The following ZNF787 variants were observed in gnomAD, a reference collection of about 807,000 sequenced individuals.
ZNF787 encodes zinc finger protein 787, also known as TTF-I-interacting peptide 20.
ZNF787 carries 7 observed loss-of-function variants against 16.9 expected under a neutral mutation model. The ratio of observed to expected loss-of-function variants is 0.42; its 90% CI spans 0.24 to 0.78. The LOEUF is 0.78. Ranked by LOEUF, ZNF787 falls within the 30% of genes least tolerant of loss-of-function variation. The pLI, the probability that ZNF787 is intolerant of heterozygous loss-of-function variation, is 0.30. For synonymous variants in ZNF787, 345 were observed against 270.9 expected (o/e 1.27, Z -2.69); for missense variants, 551 against 589.3 (o/e 0.94, Z 0.67).
At chr19:56,108,760 G>A (rs73615742) in intron 1 of ZNF787, among the ~76,000 whole-genome samples, 2,433 of 152,264 alleles carry the variant, frequency 0.016, 66 homozygotes, top group African/African-American at 0.056. Context: ...GTCTCAGGAA[G>A]AGGTGAGACC....
intron 1 of ZNF787, 64 bp from the exon 2 acceptor site, chr19:56,103,291 T>G: frequency 1.4e-6 from 2 of 1,415,350 alleles, no homozygotes; most frequent in Non-Finnish European, 1.9e-6. Flanking sequence ...CCGAGGGCCC[T>G]GCAGGGAGGC....
intron 2 of ZNF787, among the ~76,000 whole-genome samples, chr19:56,098,201 A>C (rs1229453298): frequency 1.3e-5 from 2 of 152,116 alleles, no homozygotes; most frequent in Non-Finnish European, 2.9e-5. Context: ...CCCTGGGGAC[A>C]CCTCTGAACA....
intron 1 of ZNF787, among the ~76,000 whole-genome samples, chr19:56,105,831 T>C (rs1986281200): frequency 6.6e-6 from 1 of 152,020 alleles, no homozygotes; most frequent in Non-Finnish European, 1.5e-5. Context: ...CACAATCAAC[T>C]TTACAACAAC....
At chr19:56,105,882 C>CTCCGGCCGCGCCCACGGCAGTCACCG (rs1568531068) in intron 1 of ZNF787, among the ~76,000 whole-genome samples, 1 of 151,734 alleles carries the variant, frequency 6.6e-6, no homozygotes, top group Non-Finnish European at 1.5e-5. Context: ...CCGCGCATTC[C>CTCCGGCCGCGCCCACGGCAGTCACCG]CCCGGCCGCG....
At chr19:56,099,656 A>T (rs986042678) in intron 2 of ZNF787, among the ~76,000 whole-genome samples, 1 of 148,500 alleles carries the variant, frequency 6.7e-6, no homozygotes, top group African/African-American at 2.5e-5. Flanking sequence ...AGTTGCAGTG[A>T]GCCGAGATCG....
intron 1 of ZNF787, among the ~76,000 whole-genome samples, chr19:56,113,538 T>C (rs1302762213): frequency 3.3e-5 from 5 of 152,030 alleles, no homozygotes; most frequent in Admixed American, 6.5e-5. Flanking sequence ...TAACCAGGTG[T>C]GAAGTTCAGC....
At chr19:56,119,225 T>G (rs902306978) in intron 1 of ZNF787, among the ~76,000 whole-genome samples, 1 of 152,230 alleles carries the variant, frequency 6.6e-6, no homozygotes, top group African/African-American at 2.4e-5. Context: ...GACAGTGCTG[T>G]GCCAAGACCA....
In ZNF787 at chr19:56,103,051, A is replaced by AG. The variant is rs1412981048; in HGVS notation, c.79+87dup. On this transcript the variant is annotated intron_variant, in intron 2 of 2. Transcript: ENST00000610935. ...GGGCCCCAAGAGGGGAAAACAGGGA[A>AG]GGGGGGTTTCCTCCCACCCAGAGGC... is the stretch of plus-strand genomic sequence containing the variant. 4.1e-6 allele frequency: 6 copies of AG among 1,452,682 alleles called. No individual in the cohort carries two copies. In the East Asian group the frequency reaches 6.8e-5, roughly 16 times the overall value. The allele number at this position is 1,452,682 out of a possible 1,614,324, so 90.0% of individuals were successfully genotyped here.
chr19:56,097,571 G>A (rs1985918581), intron 2 of ZNF787, among the ~76,000 whole-genome samples: 1 of 152,268 alleles, frequency 6.6e-6, no homozygotes, highest in Non-Finnish European at 1.5e-5. Context: ...ATGGAGGCAG[G>A]AGGAGGAAAC....
At chr19:56,113,606 C>T (rs1257445625) in intron 1 of ZNF787, among the ~76,000 whole-genome samples, 1 of 152,114 alleles carries the variant, frequency 6.6e-6, no homozygotes, top group Non-Finnish European at 1.5e-5. Flanking sequence ...CGATGCAGAA[C>T]AGCACGATTC....
At position 56,087,910 on chromosome 19, in the gene ZNF787, G is replaced by A. The variant is rs894667946; in HGVS notation, c.*113C>T. The A allele has an allele frequency of 3.1e-6, 4 of 1,274,138 alleles. No homozygotes were observed. The highest frequency in any genetic ancestry group is 3.6e-5 in the East Asian group (1 of 28,054). 78.9% of individuals were successfully genotyped at this position (1,274,138 alleles called of 1,614,324 possible). A position where few individuals can be genotyped will look rare whatever the true frequency, so the allele number is the denominator to read the frequency against. On this transcript the variant is annotated 3_prime_UTR_variant, in exon 3 of 3. Coordinates refer to ENST00000610935, the MANE Select transcript of ZNF787 (RefSeq NM_001002836.4). ...CAGAGGAGGGCGGGGAGCCGGGGAT[G>A]CCGCGGGGTCCATCGCACCCCGTCC...
chr19:56,100,911 C>T (rs1433479815), intron 2 of ZNF787, among the ~76,000 whole-genome samples: 1 of 144,494 alleles, frequency 6.9e-6, no homozygotes, highest in African/African-American at 2.6e-5. Context: ...GCCAGGCCAA[C>T]CCCCACCACT....
chr19:56,087,951 T>G lies in ZNF787; in HGVS notation c.*72A>C. 1 of 1,294,614 alleles carries G rather than the reference T, an allele frequency of 7.7e-7. No homozygotes were observed. The highest frequency in any genetic ancestry group is 2.0e-5 in the South Asian group (1 of 48,976). The allele number at this position is 1,294,614 out of a possible 1,614,324, so 80.2% of individuals were successfully genotyped here. A position where few individuals can be genotyped will look rare whatever the true frequency, so the allele number is the denominator to read the frequency against. ...CACCCCGTCCGCTTCTCCCTGGGTC[T>G]CTTGGTCTTGCACGTCGTCGCTCCC... On this transcript the variant is annotated 3_prime_UTR_variant, in exon 3 of 3. Transcript: ENST00000610935.
chr19:56,115,334 G>A (rs914392122), intron 1 of ZNF787, among the ~76,000 whole-genome samples: 14 of 151,242 alleles, frequency 9.3e-5, no homozygotes, highest in Admixed American at 8.5e-4. Flanking sequence ...GAGGCCGGCC[G>A]CGGCACGTTG....
rs754066918 is a variant in ZNF787, at chr19:56,088,121, C to T, written c.1051G>A (p.Gly351Arg). ...VGAPSVCSSCGQSYYRAGGEE... is the reference protein window; with the variant it reads ...VGAPSVCSSCRQSYYRAGGEE... ...CCGCCCGCGCGGTAGTAGCTCTGTC[C>T]GCAGCTGCTGCAGACCGAGGGCGCG... The change falls in exon 3 of 3, where the codon GGA (glycine) becomes AGA (arginine). Residue 351 changes from glycine (G) to arginine (R), a missense_variant. By Grantham distance (125) the Gly-to-Arg change is moderately radical (BLOSUM62 -2). This residue lies in a region of ZNF787 where 392 missense variants were observed against 312.7 expected (regional missense o/e 1.25). Coordinates refer to ENST00000610935, the MANE Select transcript of ZNF787 (RefSeq NM_001002836.4). The surrounding 1 kb of genome is among the most constrained non-coding windows in gnomAD (Gnocchi z 8.6). The T allele has an allele frequency of 1.4e-5, 21 of 1,548,406 alleles. No homozygotes were observed. Among genetic ancestry groups the T allele is most frequent in the Non-Finnish European group, 1.7e-5 (20 of 1,153,456 alleles).
chr19:56,118,121 G>T (rs1206228384), intron 1 of ZNF787, among the ~76,000 whole-genome samples: 1 of 152,242 alleles, frequency 6.6e-6, no homozygotes, highest in Non-Finnish European at 1.5e-5. Flanking sequence ...CTCTGCAGCT[G>T]TAAGGTGACA....
chr19:56,099,497 G>A (rs481936), intron 2 of ZNF787, among the ~76,000 whole-genome samples: 144,656 of 152,128 alleles, frequency 0.95, 69,415 homozygotes, highest in African/African-American at 0.99. Flanking sequence ...GATCACCTGA[G>A]GTCAGGAGTT....
intron 1 of ZNF787, among the ~76,000 whole-genome samples, chr19:56,120,947 G>C (rs1347334490): frequency 1.0e-5 from 1 of 100,240 alleles, no homozygotes; most frequent in Non-Finnish European, 2.0e-5. Flanking sequence ...CGGGCCGCCC[G>C]GGCGCGCGTC....
chr19:56,089,464 G>A (rs1455477093), intron 2 of ZNF787, among the ~76,000 whole-genome samples: 1 of 152,160 alleles, frequency 6.6e-6, no homozygotes, highest in African/African-American at 2.4e-5. Flanking sequence ...GGGGGCAGAG[G>A]ATGAGGAAGG....
Sources: gnomAD v4.1 joint callset for allele counts (sites outside exome capture counted in the v4.1 genomes callset) on GRCh38, gnomAD v4.1.1 for gene constraint, gnomAD v4.1.1 regional missense constraint, Gnocchi (gnomAD v3.1) non-coding constraint, MANE v1.5 for transcripts, NCBI Gene and HGNC (gene_info 2026-07-23, HGNC 2026-07-21) for gene names.